Variants in GRID2 observed in about 807,000 individuals in gnomAD.
The protein encoded by GRID2 is glutamate receptor ionotropic, delta-2.
GRID2 carries 33 observed loss-of-function variants against 114.8 expected under a neutral mutation model. That is an observed-to-expected ratio of 0.29 (90% CI 0.22 to 0.38). The LOEUF is 0.38. Ranked by LOEUF, GRID2 falls within the 10% of genes least tolerant of loss-of-function variation. The pLI is 1.00. For synonymous variants in GRID2, 505 were observed against 449.9 expected, an observed-to-expected ratio of 1.12 and a Z score of -1.55; for missense variants, 1,184 against 1,257.7, an observed-to-expected ratio of 0.94 and a Z score of 0.89.
intron 2 of GRID2, among the ~76,000 whole-genome samples, chr4:93,046,142 C>A (rs148491474): frequency 6.6e-6 from 1 of 152,070 alleles, no homozygotes; most frequent in East Asian, 1.9e-4. Flanking sequence ...TTTTCAGGAA[C>A]TTTATATCCA....
rs1405571248 is a variant in GRID2 at position 93,030,709 on chromosome 4, A to G, written c.245-54286A>G. Among the ~76,000 whole-genome samples the G allele has an allele frequency of 2.0e-5, 3 of 152,050 alleles. No homozygotes were observed. In the East Asian group the frequency reaches 5.9e-4, roughly 30 times the overall value. On this transcript the variant is annotated intron_variant, in intron 2 of 15. Transcript: ENST00000282020. Reference sequence around the variant, plus strand: ...TAGAGCTGCATCTTTCAAGACCGTAATAGCATCTACAAACAGACCTCTTCA... The same window carrying G: ...TAGAGCTGCATCTTTCAAGACCGTAGTAGCATCTACAAACAGACCTCTTCA...
intron 1 of GRID2, among the ~76,000 whole-genome samples, chr4:92,316,010 A>AAAAAG (rs902988080): frequency 6.6e-6 from 1 of 150,770 alleles, no homozygotes; most frequent in Non-Finnish European, 1.5e-5. Flanking sequence ...AAAAAAAAAA[A>AAAAAG]AAAAGAAAAG....
At chr4:92,828,816 A>G (rs1362024978) in intron 2 of GRID2, among the ~76,000 whole-genome samples, 1 of 151,978 alleles carries the variant, frequency 6.6e-6, no homozygotes, top group African/African-American at 2.4e-5. Flanking sequence ...AAAAGAAGGC[A>G]AACAAGTGTC....
At chr4:92,984,769 C>CTT (rs1261130163) in intron 2 of GRID2, among the ~76,000 whole-genome samples, 1 of 143,582 alleles carries the variant, frequency 7.0e-6, no homozygotes, top group African/African-American at 2.5e-5. Flanking sequence ...TATTCAACTT[C>CTT]TTTTTTTTTT....
At chr4:93,189,072 G>A (rs185224666) in intron 4 of GRID2, among the ~76,000 whole-genome samples, 123 of 152,112 alleles carry the variant, frequency 8.1e-4, no homozygotes, top group Admixed American at 2.4e-3. Flanking sequence ...TTTCTAGCAC[G>A]TACCTTCAGA....
chr4:92,384,459 TA>T (rs1162983013), intron 1 of GRID2, among the ~76,000 whole-genome samples: 7 of 56,862 alleles, frequency 1.2e-4, no homozygotes, highest in Admixed American at 6.5e-4. Flanking sequence ...TATATATATA[TA>T]TATATATATA....
intron 8 of GRID2, chr4:93,258,993 C>A: frequency 9.4e-6 from 4 of 424,876 alleles, no homozygotes; most frequent in South Asian, 1.7e-5. Context: ...ACCACTGAGG[C>A]AGCGAAGTCA....
chr4:93,626,250 G>T lies in GRID2; in HGVS notation c.2194-19G>T. On this transcript the variant is annotated intron_variant, in intron 13 of 15. Transcript: ENST00000282020. ...AACTTTAAACCCTATTTCTTCTTTTGTTCTTCATTTTTTCACAGGTAAAAT... is the reference window on the plus strand; with the variant it reads ...AACTTTAAACCCTATTTCTTCTTTTTTTCTTCATTTTTTCACAGGTAAAAT... 6.7e-7 allele frequency: 1 copy of T among 1,489,540 alleles called. No individual in the cohort carries two copies. The highest frequency in any genetic ancestry group is 2.3e-5 in the East Asian group (1 of 43,180). The allele number at this position is 1,489,540 out of a possible 1,614,324, so 92.3% of individuals were successfully genotyped here.
At chr4:92,646,034 G>C (rs902082189) in intron 2 of GRID2, among the ~76,000 whole-genome samples, 2 of 151,818 alleles carry the variant, frequency 1.3e-5, no homozygotes, top group African/African-American at 4.8e-5. Context: ...TTTCCATCTT[G>C]ATTGCACTGT....
chr4:93,108,570 A>G (rs1169428599), intron 3 of GRID2, among the ~76,000 whole-genome samples: 2 of 152,092 alleles, frequency 1.3e-5, no homozygotes, highest in African/African-American at 4.8e-5. Flanking sequence ...TAACTCAAAT[A>G]AAGAACAACT....
intron 8 of GRID2, among the ~76,000 whole-genome samples, chr4:93,322,496 G>T (rs778531613): frequency 4.6e-5 from 7 of 152,054 alleles, no homozygotes; most frequent in Admixed American, 4.6e-4. Flanking sequence ...GAACAGTGCC[G>T]CAATAGACAT....
At chr4:93,285,216 C>G (rs184664548) in intron 8 of GRID2, among the ~76,000 whole-genome samples, 1 of 152,140 alleles carries the variant, frequency 6.6e-6, no homozygotes, top group East Asian at 1.9e-4. Context: ...TAGTATTTTT[C>G]ACATCACTGC....
chr4:92,502,705 C>CTTTTTTTTT (rs70940901), intron 1 of GRID2, among the ~76,000 whole-genome samples: 1 of 63,938 alleles, frequency 1.6e-5, no homozygotes, highest in Admixed American at 2.4e-4. Context: ...CATGTGATTT[C>CTTTTTTTTT]TTTTTTTTTT....
chr4:92,329,012 C>T (rs1726739897), intron 1 of GRID2, among the ~76,000 whole-genome samples: 1 of 151,920 alleles, frequency 6.6e-6, no homozygotes, highest in Non-Finnish European at 1.5e-5. Context: ...CTGGATGTCC[C>T]TAGTCTCCTG....
At chr4:92,506,209 C>T (rs1190796824) in intron 1 of GRID2, among the ~76,000 whole-genome samples, 1 of 151,860 alleles carries the variant, frequency 6.6e-6, no homozygotes, top group Admixed American at 6.6e-5. Context: ...AAAGGAAAAT[C>T]AACTGTAGGC....
chr4:93,734,814 C>T (rs946552939), intron 14 of GRID2, among the ~76,000 whole-genome samples: 25 of 152,010 alleles, frequency 1.6e-4, no homozygotes, highest in African/African-American at 5.6e-4. Flanking sequence ...GGGAACATTG[C>T]ACGCCATTAA....
chr4:93,777,488 T>A (rs1327414309), downstream of GRID2, among the ~76,000 whole-genome samples: 1 of 152,192 alleles, frequency 6.6e-6, no homozygotes, highest in East Asian at 1.9e-4. Flanking sequence ...GAAGAGAAAC[T>A]AGCTGTGTTA....
At chr4:93,169,143 TACAC>T (rs33953002) in intron 4 of GRID2, among the ~76,000 whole-genome samples, 14,088 of 138,072 alleles carry the variant, frequency 0.1, 727 homozygotes, top group East Asian at 0.19. Flanking sequence ...CACAATGAAA[TACAC>T]ACACACACAC....
chr4:92,958,771 A>G (rs1332398139), intron 2 of GRID2, among the ~76,000 whole-genome samples: 1 of 152,090 alleles, frequency 6.6e-6, no homozygotes, highest in Non-Finnish European at 1.5e-5. Context: ...AATGTGTGGT[A>G]GAATTCATGA....
Sources: allele counts gnomAD v4.1 joint callset (sites outside exome capture counted in the v4.1 genomes callset), GRCh38; gene constraint gnomAD v4.1.1; transcripts MANE v1.5; gene names NCBI Gene and HGNC (gene_info 2026-07-23, HGNC 2026-07-21).